ALG9: variants seen among roughly 807,000 people sequenced by gnomAD.
ALG9 encodes ALG9 alpha-1,2-mannosyltransferase.
Under a neutral mutation model 81.8 loss-of-function variants are expected in ALG9, and 55 were observed. That is an observed-to-expected ratio of 0.67 (90% CI 0.54 to 0.84). The LOEUF (loss-of-function observed/expected upper bound fraction) is 0.84, where lower values mean the gene tolerates loss of function less well. Among genes scored for constraint, ALG9 ranks in the 40% least tolerant of loss-of-function variants. The probability of loss-of-function intolerance (pLI) is 0.00; values close to 1 mark genes in which losing one functional copy is unlikely to be tolerated. For missense variants in ALG9, 629 were observed against 745.0 expected, an observed-to-expected ratio of 0.84 and a Z score of 1.81; for synonymous variants, 278 against 274.3, an observed-to-expected ratio of 1.01 and a Z score of -0.13.
intron 5 of ALG9, among the ~76,000 whole-genome samples, chr11:111,860,189 G>A (rs1315120848): frequency 2.6e-5 from 4 of 152,172 alleles, no homozygotes; most frequent in Non-Finnish European, 5.9e-5. Context: ...GCCAAGAAAG[G>A]AGGTGGGTGG....
chr11:111,857,098 A>T (rs924606430), intron 6 of ALG9, among the ~76,000 whole-genome samples: 2 of 152,128 alleles, frequency 1.3e-5, no homozygotes, highest in Non-Finnish European at 2.9e-5. Flanking sequence ...CAAGAGTGAA[A>T]CTCCGTCTCA....
chr11:111,827,421 G>C (rs1953523959), intron 13 of ALG9, among the ~76,000 whole-genome samples: 1 of 152,104 alleles, frequency 6.6e-6, no homozygotes, highest in African/African-American at 2.4e-5. Flanking sequence ...GGTTGCAGTG[G>C]GTCGAGATGG....
chr11:111,851,988 T>G (rs1222575135), intron 8 of ALG9, among the ~76,000 whole-genome samples: 2 of 152,228 alleles, frequency 1.3e-5, no homozygotes, highest in African/African-American at 4.8e-5. Context: ...TCTTAAACTA[T>G]TACTTGCCAC....
At chr11:111,836,406 A>C in intron 12 of ALG9, 112 bp from the exon 13 acceptor site, 3 of 1,417,192 alleles carry the variant, frequency 2.1e-6, no homozygotes, top group South Asian at 2.4e-5. Context: ...TTGAAGAAAA[A>C]ATATTTCTGC....
At chr11:111,848,542 G>A (rs1293358851) in intron 8 of ALG9, among the ~76,000 whole-genome samples, 1 of 145,700 alleles carries the variant, frequency 6.9e-6, no homozygotes, top group African/African-American at 2.6e-5. Flanking sequence ...GGGAGTCGAG[G>A]TCACCCCACT....
chr11:111,791,024 T>C (rs1321804331), intron 14 of ALG9, among the ~76,000 whole-genome samples: 2 of 152,254 alleles, frequency 1.3e-5, no homozygotes, highest in Non-Finnish European at 2.9e-5. Flanking sequence ...TTCCATTTGC[T>C]ATGATTAAAA....
At chr11:111,788,347 C>A in intron 14 of ALG9, 2 of 451,358 alleles carry the variant, frequency 4.4e-6, no homozygotes, top group South Asian at 3.1e-5. Context: ...TGAACTCTAT[C>A]AAGGGCTTTG....
At chr11:111,812,543 G>A (rs977421811) in intron 13 of ALG9, among the ~76,000 whole-genome samples, 5 of 151,930 alleles carry the variant, frequency 3.3e-5, no homozygotes, top group African/African-American at 9.7e-5. Context: ...TTCCAGCCTG[G>A]GTGACACAGC....
At chr11:111,870,466 C>G in intron 1 of ALG9, 96 bp from the exon 2 acceptor site, 1 of 1,399,544 alleles carries the variant, frequency 7.1e-7, no homozygotes, top group Non-Finnish European at 9.4e-7. Context: ...ACAAAAAGGG[C>G]AAGGGACATC....
At chr11:111,843,539 A>G (rs1446719442) in intron 9 of ALG9, among the ~76,000 whole-genome samples, 2 of 152,210 alleles carry the variant, frequency 1.3e-5, no homozygotes, top group Non-Finnish European at 2.9e-5. Context: ...AACTCATTAT[A>G]AACCATTAAT....
At position 111,802,102 on chromosome 11, in the gene ALG9, C is replaced by G. The variant is rs921677833; in HGVS notation, c.1733+7541G>C. On this transcript the variant is annotated intron_variant, in intron 14 of 14. Transcript: ENST00000616540. Reference sequence around the variant, plus strand: ...CACCTTTCACTGTCTCCCACTCTCCCAGTGCTTTCCCCCAACTTCCCTCCT... The same window carrying G: ...CACCTTTCACTGTCTCCCACTCTCCGAGTGCTTTCCCCCAACTTCCCTCCT... Among the ~76,000 whole-genome samples the G allele has an allele frequency of 4.9e-4, 75 of 152,292 alleles. 1 individual carries two copies. The highest frequency in any genetic ancestry group is 1.7e-3 in the African/African-American group (71 of 41,566).
intron 14 of ALG9, among the ~76,000 whole-genome samples, chr11:111,803,457 C>T (rs1182257991): frequency 6.7e-6 from 1 of 148,248 alleles, no homozygotes. Context: ...GCCAAGATCA[C>T]GGCACTGCAC....
intron 13 of ALG9, among the ~76,000 whole-genome samples, chr11:111,813,740 T>C (rs1449129285): frequency 6.6e-6 from 1 of 151,968 alleles, no homozygotes; most frequent in Non-Finnish European, 1.5e-5. Context: ...CCACAACAAG[T>C]GAAAATGCGT....
intron 13 of ALG9, among the ~76,000 whole-genome samples, chr11:111,829,530 CATT>C (rs1953974152): frequency 6.6e-6 from 1 of 152,176 alleles, no homozygotes; most frequent in Non-Finnish European, 1.5e-5. Flanking sequence ...ATCAATATCA[CATT>C]GTTTACATCT....
At chr11:111,771,181 C>T in the ALG9 span, 1 of 152,498 alleles carries the variant, frequency 6.6e-6, no homozygotes, top group African/African-American at 2.4e-5. Context: ...CCTGTAATCC[C>T]AGCACTGTGG....
At chr11:111,870,172 G>A (rs1963844343) in intron 2 of ALG9, 60 bp downstream of exon 2, 1 of 1,551,390 alleles carries the variant, frequency 6.4e-7, no homozygotes, top group East Asian at 2.3e-5. Flanking sequence ...CTCTCGATTG[G>A]TAATAACACC....
At chr11:111,798,761 G>A (rs1948667478) in intron 14 of ALG9, among the ~76,000 whole-genome samples, 1 of 152,184 alleles carries the variant, frequency 6.6e-6, no homozygotes, top group Non-Finnish European at 1.5e-5. Context: ...TCAGGGAATG[G>A]AAGTTGCAGT....
chr11:111,850,266 A>G (rs1555136273), intron 8 of ALG9, among the ~76,000 whole-genome samples: 2 of 152,200 alleles, frequency 1.3e-5, no homozygotes, highest in Non-Finnish European at 2.9e-5. Flanking sequence ...ATGTAACCCA[A>G]TGGATACCCC....
At chr11:111,834,217 T>TA (rs1954845758) in intron 13 of ALG9, among the ~76,000 whole-genome samples, 1 of 152,216 alleles carries the variant, frequency 6.6e-6, no homozygotes, top group Non-Finnish European at 1.5e-5. Flanking sequence ...AATATGGACT[T>TA]AAATAGTTCA....
Sources: gnomAD v4.1 joint callset for allele counts (sites outside exome capture counted in the v4.1 genomes callset) on GRCh38, gnomAD v4.1.1 for gene constraint, MANE v1.5 for transcripts, NCBI Gene and HGNC (gene_info 2026-07-23, HGNC 2026-07-21) for gene names.